PTPRZ1: variants seen among roughly 807,000 people sequenced by gnomAD.
PTPRZ1 encodes the protein receptor-type tyrosine-protein phosphatase zeta.
In PTPRZ1, 82 loss-of-function variants were observed where a neutral mutation model predicts 214.1. That is an observed-to-expected ratio of 0.38 (90% CI 0.32 to 0.46). PTPRZ1 has a LOEUF of 0.46. Ranked by LOEUF, PTPRZ1 falls within the 20% of genes least tolerant of loss-of-function variation. The pLI is 1.00. For missense variants in PTPRZ1, 2,603 were observed against 2,748.7 expected (o/e 0.95, Z 1.19); for synonymous variants, 945 against 987.9 (o/e 0.96, Z 0.81).
chr7:121,898,089 G>T (rs1794852372), intron 1 of PTPRZ1, among the ~76,000 whole-genome samples: 1 of 151,918 alleles, frequency 6.6e-6, no homozygotes, highest in African/African-American at 2.4e-5. Context: ...AGCAGAAAAT[G>T]ATACCTGATA....
intron 2 of PTPRZ1, among the ~76,000 whole-genome samples, chr7:121,953,900 G>A (rs1221133483): frequency 2.0e-5 from 3 of 152,158 alleles, no homozygotes; most frequent in Non-Finnish European, 2.9e-5. Context: ...TCAGCAATCA[G>A]TTCCTGGAGG....
chr7:122,033,377 G>T (rs1464339374), intron 15 of PTPRZ1, among the ~76,000 whole-genome samples: 1 of 151,176 alleles, frequency 6.6e-6, no homozygotes, highest in Non-Finnish European at 1.5e-5. Flanking sequence ...AAATTATAAG[G>T]CTTTTATTTT....
chr7:122,058,768 A>G lies in PTPRZ1; in HGVS notation c.6529-32A>G, dbSNP rs757560935. On this transcript the variant is annotated intron_variant, in intron 27 of 29. Transcript: ENST00000393386. ...ATTCCACTCCTGGTAAACTGTCACT[A>G]ACTAACATTACTTTGTGTTTTCTTG... 4.5e-6 allele frequency: 7 copies of G among 1,562,934 alleles called. No individual in the cohort carries two copies. The South Asian group carries it at 8.0e-5, about 18-fold the overall frequency.
chr7:121,971,213 A>T (rs1423697138), intron 3 of PTPRZ1, among the ~76,000 whole-genome samples: 1 of 152,008 alleles, frequency 6.6e-6, no homozygotes, highest in Non-Finnish European at 1.5e-5. Context: ...CTGCTTTATT[A>T]TATATTGTAA....
chr7:122,010,861 A>G lies in PTPRZ1; in HGVS notation c.1815A>G (p.Gln605=), dbSNP rs781560083. Residue 605 remains glutamine (Q), a synonymous_variant, in exon 12 of 30, where the codon CAA becomes CAG. Transcript: ENST00000393386. ...CATTCATCTCTGAGAACATATCCCA[A>G]GGGTATATATTTTCCTCCGAAAACC... is the stretch of plus-strand genomic sequence containing the variant. ...AIPFISENIS[Q]GYIFSSENPE... is the part of the protein sequence containing the mutation. 20 of 1,613,980 alleles carry G rather than the reference A, an allele frequency of 1.2e-5. No individual in the cohort carries two copies. Among genetic ancestry groups the G allele is most frequent in the Non-Finnish European group, 1.6e-5 (19 of 1,180,016 alleles).
At position 121,882,478 on chromosome 7, in the gene PTPRZ1, T is replaced by C. The variant is rs942619638; in HGVS notation, c.58+8921T>C. 2.0e-5 allele frequency among the ~76,000 whole-genome samples: 3 copies of C among 152,102 alleles called. No individual in the cohort carries two copies. The South Asian group carries it at 6.2e-4, about 31-fold the overall frequency. ...ATTAAGGTTGGCATGCAGAGAAACA[T>C]GGACTGAAAGTGAGAACGTGGTAAT... On this transcript the variant is annotated intron_variant, in intron 1 of 29. Transcript: ENST00000393386.
intron 1 of PTPRZ1, among the ~76,000 whole-genome samples, chr7:121,875,047 A>G (rs1794010305): frequency 6.6e-6 from 1 of 151,830 alleles, no homozygotes; most frequent in South Asian, 2.1e-4. Flanking sequence ...CTCTTTGAAA[A>G]AAAAAAAAAG....
At chr7:121,978,588 A>C (rs2116550920) in intron 6 of PTPRZ1, among the ~76,000 whole-genome samples, 1 of 152,226 alleles carries the variant, frequency 6.6e-6, no homozygotes, top group South Asian at 2.1e-4. Flanking sequence ...GCATGGGGGA[A>C]ACTGCCCCCA....
intron 18 of PTPRZ1, among the ~76,000 whole-genome samples, chr7:122,038,208 T>C (rs1799606206): frequency 6.6e-6 from 1 of 152,132 alleles, no homozygotes; most frequent in Non-Finnish European, 1.5e-5. Flanking sequence ...AGATGAGATT[T>C]GGGTGGGAAA....
rs550529081 is a variant in PTPRZ1, at chr7:122,012,165, C to A, written c.3119C>A (p.Ala1040Glu). Residue 1040 changes from alanine (A) to glutamate (E), a missense_variant, in exon 12 of 30, where the codon GCG becomes GAG. By Grantham distance (107) the Ala-to-Glu change is moderately radical (BLOSUM62 -1). Around this residue, in one of 6 missense-constraint regions of PTPRZ1, gnomAD observed 1,913 missense variants for 1,914.3 expected, o/e 1.00. Transcript: ENST00000393386. ...TTSVFGDDNK[A>E]LSKSEIIYGN... ...TCTGTGTTTGGTGATGATAATAAGG[C>A]GCTTTCTAAAAGTGAAATAATATAT... The A allele has an allele frequency of 2.2e-5, 36 of 1,613,722 alleles. No homozygotes were observed. In the South Asian group the frequency reaches 3.4e-4, roughly 15 times the overall value.
chr7:121,905,006 A>G (rs1795075437), intron 1 of PTPRZ1, among the ~76,000 whole-genome samples: 4 of 152,224 alleles, frequency 2.6e-5, no homozygotes, highest in African/African-American at 9.6e-5. Context: ...TTGTTTAGTT[A>G]AAGATATTGT....
intron 8 of PTPRZ1, among the ~76,000 whole-genome samples, chr7:121,992,531 A>G (rs1411616037): frequency 2.6e-5 from 4 of 152,214 alleles, no homozygotes; most frequent in African/African-American, 9.6e-5. Context: ...AAAGTTTAAG[A>G]AGCTTATACC....
In PTPRZ1 at chr7:122,025,090, C is replaced by A. The variant is rs1158838593; in HGVS notation, c.4989-3462C>A. On this transcript the variant is annotated intron_variant, in intron 13 of 29. Transcript: ENST00000393386. ...CTAATCATTCAACAAATATTGAACACCTATTCTACTCCTGGCACAGTATTA... is the reference window on the plus strand; with the variant it reads ...CTAATCATTCAACAAATATTGAACAACTATTCTACTCCTGGCACAGTATTA... Among the ~76,000 whole-genome samples the A allele has an allele frequency of 2.6e-5, 4 of 152,226 alleles. No homozygotes were observed. In the East Asian group the frequency reaches 7.7e-4, roughly 29 times the overall value.
At chr7:121,908,148 C>A (rs901723712) in intron 1 of PTPRZ1, among the ~76,000 whole-genome samples, 3 of 152,132 alleles carry the variant, frequency 2.0e-5, no homozygotes, top group Non-Finnish European at 2.9e-5. Flanking sequence ...AAGGGTTAAT[C>A]ATTTGTCTGT....
At chr7:121,968,707 A>G (rs950746624) in intron 3 of PTPRZ1, among the ~76,000 whole-genome samples, 1 of 151,894 alleles carries the variant, frequency 6.6e-6, no homozygotes, top group Admixed American at 6.6e-5. Flanking sequence ...AGCTATACAT[A>G]GATAAATAAT....
chr7:122,028,588 C>T lies in PTPRZ1; in HGVS notation c.5025C>T (p.Asp1675=), dbSNP rs1034325868. ...CFQTAHFYLE[D]STSPRVISTP... ...AGACTGCACACTTTTACTTAGAGGACAGTACATCCCCTAGAGTTATATCCA... is the reference window on the plus strand; with the variant it reads ...AGACTGCACACTTTTACTTAGAGGATAGTACATCCCCTAGAGTTATATCCA... Residue 1675 remains aspartate (D), a synonymous_variant, in exon 14 of 30, where the codon GAC becomes GAT. Coordinates refer to ENST00000393386, the MANE Select transcript of PTPRZ1 (RefSeq NM_002851.3). 3 of 1,548,718 alleles carry T rather than the reference C, an allele frequency of 1.9e-6. No homozygotes were observed. The Admixed American group carries it at 5.0e-5, about 26-fold the overall frequency.
Position 121,897,135 on chromosome 7 carries a change from A to G in PTPRZ1, c.58+23578A>G, listed in dbSNP as rs140388667. ...GTTCTCATATAATCTTTATAATGCA[A>G]TGATAGACACTATTGTTGTTTTTCT... On this transcript the variant is annotated intron_variant, in intron 1 of 29. Coordinates refer to ENST00000393386, the MANE Select transcript of PTPRZ1 (RefSeq NM_002851.3). Among the ~76,000 whole-genome samples the G allele has an allele frequency of 2.6e-3, 396 of 152,338 alleles. 1 individual carries two copies. The highest frequency in any genetic ancestry group is 8.4e-3 in the African/African-American group (350 of 41,576).
At chr7:121,928,922 G>A (rs986241280) in intron 2 of PTPRZ1, among the ~76,000 whole-genome samples, 2 of 152,196 alleles carry the variant, frequency 1.3e-5, no homozygotes, top group African/African-American at 4.8e-5. Flanking sequence ...AACCATGTGG[G>A]ATGGAGTTGA....
chr7:121,896,034 A>G (rs1490277446), intron 1 of PTPRZ1, among the ~76,000 whole-genome samples: 1 of 152,230 alleles, frequency 6.6e-6, no homozygotes, highest in East Asian at 1.9e-4. Context: ...TCATTTATAG[A>G]TATATTCACT....
Sources: allele counts gnomAD v4.1 joint callset (sites outside exome capture counted in the v4.1 genomes callset), GRCh38; gene constraint gnomAD v4.1.1; regional missense constraint gnomAD v4.1.1; transcripts MANE v1.5; gene names NCBI Gene and HGNC (gene_info 2026-07-23, HGNC 2026-07-21).